The following PLCB1 variants were observed in gnomAD, a reference collection of about 807,000 sequenced individuals.
PLCB1 encodes phospholipase C beta 1.
In PLCB1, 46 loss-of-function variants were observed where a neutral mutation model predicts 161.8. The observed-to-expected ratio is 0.28, with a 90% CI of 0.22 to 0.36. The LOEUF (loss-of-function observed/expected upper bound fraction) is 0.36, where lower values mean the gene tolerates loss of function less well. Among genes scored for constraint, PLCB1 ranks in the 10% least tolerant of loss-of-function variants. The pLI is 1.00. For missense variants in PLCB1, 1,016 were observed against 1,472.5 expected (o/e 0.69, Z 5.07); for synonymous variants, 517 against 503.7 (o/e 1.03, Z -0.35).
chr20:8,839,135 G>T (rs1485608527), intron 31 of PLCB1, among the ~76,000 whole-genome samples: 1 of 152,184 alleles, frequency 6.6e-6, no homozygotes, highest in Admixed American at 6.5e-5. Context: ...TTATTGGCAA[G>T]ACATTTGCAT....
chr20:8,872,760 T>C (rs1987649827), intron 31 of PLCB1, among the ~76,000 whole-genome samples: 1 of 152,166 alleles, frequency 6.6e-6, no homozygotes, highest in African/African-American at 2.4e-5. Flanking sequence ...CCTTGCCTCA[T>C]CTCCAAGGTT....
At chr20:8,300,538 G>T (rs6039130) in intron 2 of PLCB1, among the ~76,000 whole-genome samples, 19,077 of 150,658 alleles carry the variant, frequency 0.13, 1,337 homozygotes, top group Middle Eastern at 0.18. Flanking sequence ...TTTGGAAGTG[G>T]TTTTTTTTTA....
At chr20:8,164,903 T>G (rs1378266953) in intron 2 of PLCB1, among the ~76,000 whole-genome samples, 1 of 152,204 alleles carries the variant, frequency 6.6e-6, no homozygotes, top group Non-Finnish European at 1.5e-5. Context: ...TAAGATAGAG[T>G]GTTTGTCCCT....
At chr20:8,512,580 A>G (rs987257611) in intron 3 of PLCB1, among the ~76,000 whole-genome samples, 1 of 152,044 alleles carries the variant, frequency 6.6e-6, no homozygotes, top group Non-Finnish European at 1.5e-5. Flanking sequence ...TAATTGATAA[A>G]TAATAATTAT....
intron 3 of PLCB1, among the ~76,000 whole-genome samples, chr20:8,560,569 T>G (rs373724143): frequency 1.8e-4 from 28 of 152,148 alleles, no homozygotes; most frequent in African/African-American, 6.5e-4. Context: ...GTTGTTCAAC[T>G]AATTTGAAAG....
chr20:8,457,714 GCACACACACACACACACA>G (rs145581916), intron 3 of PLCB1, among the ~76,000 whole-genome samples: 1 of 145,768 alleles, frequency 6.9e-6, no homozygotes, highest in Non-Finnish European at 1.5e-5. Flanking sequence ...ATGTGTGCGC[GCACACACACACACACACA>G]CACACACACA....
intron 26 of PLCB1, among the ~76,000 whole-genome samples, chr20:8,770,128 A>G (rs939235692): frequency 4.6e-5 from 7 of 151,528 alleles, no homozygotes; most frequent in African/African-American, 1.5e-4. Flanking sequence ...AATTTTTTGT[A>G]TTTTTAGTAG....
intron 2 of PLCB1, among the ~76,000 whole-genome samples, chr20:8,261,587 T>C (rs1376859936): frequency 6.6e-6 from 1 of 152,056 alleles, no homozygotes; most frequent in Non-Finnish European, 1.5e-5. Flanking sequence ...GACCAGGGGA[T>C]CTGGGAGAGT....
intron 2 of PLCB1, among the ~76,000 whole-genome samples, chr20:8,276,215 T>A (rs1055503367): frequency 1.1e-4 from 17 of 152,204 alleles, no homozygotes; most frequent in African/African-American, 3.1e-4. Context: ...TCCCACTGAT[T>A]TGAAAGATAA....
intron 31 of PLCB1, among the ~76,000 whole-genome samples, chr20:8,869,369 C>T (rs1422042717): frequency 6.6e-6 from 1 of 152,134 alleles, no homozygotes; most frequent in Non-Finnish European, 1.5e-5. Context: ...TAATCGCAGG[C>T]CCCATAAGGA....
intron 14 of PLCB1, among the ~76,000 whole-genome samples, chr20:8,722,024 A>C (rs1355089654): frequency 6.6e-6 from 1 of 152,188 alleles, no homozygotes; most frequent in Non-Finnish European, 1.5e-5. Context: ...TGTACCATAG[A>C]AAGCAAACTG....
In PLCB1 at chr20:8,481,703, G is replaced by T. The variant is rs75250855; in HGVS notation, c.246+110253G>T. 3.2e-3 allele frequency among the ~76,000 whole-genome samples: 490 copies of T among 152,246 alleles called. 2 individuals are homozygous for T. Among genetic ancestry groups the T allele is most frequent in the African/African-American group, 0.011 (443 of 41,542 alleles). On this transcript the variant is annotated intron_variant, in intron 3 of 31. Coordinates refer to ENST00000338037, the MANE Select transcript of PLCB1 (RefSeq NM_015192.4). ...TTGTTCTCCCCCAACTAGAGTTTAT[G>T]TGCCTTCTCTGTCCTTCTCTGTCCT...
intron 25 of PLCB1, 113 bp downstream of exon 25, chr20:8,760,573 T>C: frequency 3.0e-6 from 2 of 672,978 alleles, no homozygotes; most frequent in Non-Finnish European, 5.1e-6. Flanking sequence ...CATTAATATT[T>C]CTTCTTCTAA....
At chr20:8,303,236 A>G (rs1415486979) in intron 2 of PLCB1, among the ~76,000 whole-genome samples, 4 of 152,218 alleles carry the variant, frequency 2.6e-5, no homozygotes, top group Admixed American at 6.5e-5. Flanking sequence ...TTCTTTGTAT[A>G]GATCCGGGGT....
chr20:8,689,688 T>G (rs185242522), intron 10 of PLCB1, among the ~76,000 whole-genome samples: 364 of 152,210 alleles, frequency 2.4e-3, no homozygotes, highest in Admixed American at 3.3e-3. Flanking sequence ...GTGTATGCAG[T>G]TTTTAAATTA....
intron 3 of PLCB1, among the ~76,000 whole-genome samples, chr20:8,416,929 TACACACACACACAC>T (rs56097941): frequency 3.8e-4 from 48 of 126,450 alleles, no homozygotes; most frequent in Non-Finnish European, 4.6e-4. Flanking sequence ...AGAGACAGAA[TACACACACACACAC>T]ACACACACAC....
chr20:8,272,180 C>T (rs112253005), intron 2 of PLCB1, among the ~76,000 whole-genome samples: 12 of 151,674 alleles, frequency 7.9e-5, no homozygotes, highest in East Asian at 1.9e-4. Context: ...CTAAGGAAAA[C>T]GGTCAAGAAC....
intron 2 of PLCB1, among the ~76,000 whole-genome samples, chr20:8,171,968 T>A (rs1475899875): frequency 6.6e-6 from 1 of 152,184 alleles, no homozygotes; most frequent in Non-Finnish European, 1.5e-5. Flanking sequence ...CTGTCCCGTC[T>A]GTTGTTGCGT....
intron 3 of PLCB1, among the ~76,000 whole-genome samples, chr20:8,459,063 C>T (rs906905181): frequency 4.6e-5 from 7 of 152,120 alleles, no homozygotes; most frequent in African/African-American, 1.7e-4. Context: ...TCTGAGGAAT[C>T]TGATTGGTTT....
Sources: allele counts gnomAD v4.1 joint callset (sites outside exome capture counted in the v4.1 genomes callset), GRCh38; gene constraint gnomAD v4.1.1; transcripts MANE v1.5; gene names NCBI Gene and HGNC (gene_info 2026-07-23, HGNC 2026-07-21).